Variants in IFI44 observed in about 807,000 individuals in gnomAD.
IFI44 encodes the protein interferon-induced protein 44.
Under a neutral mutation model 45.0 loss-of-function variants are expected in IFI44, and 42 were observed. The observed-to-expected ratio is 0.93, with a 90% CI of 0.73 to 1.21. The LOEUF (loss-of-function observed/expected upper bound fraction) is 1.21. IFI44 is among the 50% of genes most tolerant of loss of function. The probability of loss-of-function intolerance (pLI) is 0.00; values close to 1 mark genes in which losing one functional copy is unlikely to be tolerated. For synonymous variants in IFI44, 221 were observed against 188.6 expected (o/e 1.17, Z -1.41); for missense variants, 623 against 525.8 (o/e 1.18, Z -1.81).
intron 5 of IFI44, 75 bp downstream of exon 5, chr1:78,655,586 C>A: frequency 1.6e-6 from 2 of 1,285,996 alleles, no homozygotes; most frequent in South Asian, 1.5e-5. Context: ...CAGCGTTTAT[C>A]TTCTTAAATT....
chr1:78,659,452 C>A lies in IFI44; in HGVS notation c.981C>A (p.Ile327=). ...TCTCCTCTCAGATGATAGTAAAGAT[C>A]AAAAGAATTCGAAGGGAGTTGGTAA... The part of the protein sequence containing the change: ...QYFSSQMIVK[I]KRIRRELVNA... Residue 327 remains isoleucine, a synonymous_variant, in exon 6 of 9, where the codon ATC becomes ATA. Transcript: ENST00000370747. 2 of 1,612,990 alleles carry A rather than the reference C, an allele frequency of 1.2e-6. No homozygotes were observed. The highest frequency in any genetic ancestry group is 2.2e-5 in the South Asian group (2 of 91,018).
chr1:78,655,581 T>C (rs1570393680), intron 5 of IFI44, 70 bp downstream of exon 5: 2 of 1,332,780 alleles, frequency 1.5e-6, no homozygotes, highest in East Asian at 2.4e-5. Flanking sequence ...TGTATCAGCG[T>C]TTATCTTCTT....
intron 7 of IFI44, among the ~76,000 whole-genome samples, chr1:78,662,438 A>C (rs1570405869): frequency 1.3e-5 from 2 of 152,374 alleles, no homozygotes; most frequent in East Asian, 1.9e-4. Context: ...AACAGGAAAT[A>C]TATGGACTGT....
chr1:78,661,754 G>A (rs769696753), intron 7 of IFI44, among the ~76,000 whole-genome samples: 4 of 152,086 alleles, frequency 2.6e-5, no homozygotes, highest in African/African-American at 4.8e-5. Flanking sequence ...AAAGGGGTTC[G>A]GGGAGATTTC....
chr1:78,660,238 A>G (rs532266619), intron 6 of IFI44, among the ~76,000 whole-genome samples: 44 of 152,176 alleles, frequency 2.9e-4, no homozygotes, highest in Admixed American at 3.3e-4. Context: ...GTCAAAACAC[A>G]ACTTCTGGAC....
At chr1:78,652,018 T>C (rs1647132270) in intron 2 of IFI44, among the ~76,000 whole-genome samples, 1 of 152,080 alleles carries the variant, frequency 6.6e-6, no homozygotes, top group South Asian at 2.1e-4. Context: ...ACTTTACATA[T>C]TGAAAAATTA....
chr1:78,651,290 C>A (rs1030487280), intron 2 of IFI44, among the ~76,000 whole-genome samples: 11 of 152,166 alleles, frequency 7.2e-5, no homozygotes, highest in Non-Finnish European at 2.9e-5. Flanking sequence ...TTTCCTGCAA[C>A]TAAACGGTCC....
chr1:78,659,102 C>T (rs1308343903), intron 5 of IFI44, among the ~76,000 whole-genome samples: 2 of 152,040 alleles, frequency 1.3e-5, no homozygotes, highest in Non-Finnish European at 2.9e-5. Context: ...ATTACATGTC[C>T]TTTCCTCACA....
At chr1:78,662,588 T>A in intron 7 of IFI44, 116 bp from the exon 8 acceptor site, 1 of 774,676 alleles carries the variant, frequency 1.3e-6, no homozygotes, top group South Asian at 1.9e-5. Context: ...CTCCATTTTT[T>A]TCCAATGGGA....
chr1:78,654,429 T>G, intron 3 of IFI44, 150 bp downstream of exon 3: 2 of 530,072 alleles, frequency 3.8e-6, no homozygotes, highest in South Asian at 5.7e-5. Flanking sequence ...ATAAAATATT[T>G]GATAATATTA....
At chr1:78,655,586 C>G (rs1647195148) in intron 5 of IFI44, 75 bp downstream of exon 5, 2 of 1,285,998 alleles carry the variant, frequency 1.6e-6, no homozygotes, top group Non-Finnish European at 1.1e-6. Context: ...CAGCGTTTAT[C>G]TTCTTAAATT....
chr1:78,653,122 G>T lies in IFI44; in HGVS notation c.458-1121G>T, dbSNP rs529300124. Among the ~76,000 whole-genome samples, 12 of 151,562 alleles carry T rather than the reference G, an allele frequency of 7.9e-5. No individual in the cohort carries two copies. The South Asian group carries it at 2.5e-3, about 32-fold the overall frequency. ...CTATATTAATTTATCCTTTCTTCAC[G>T]TTTTAAAATTTGGTTTTATATTTTA... On this transcript the variant is annotated intron_variant, in intron 2 of 8. Coordinates refer to ENST00000370747, the MANE Select transcript of IFI44 (RefSeq NM_006417.5).
At position 78,663,942 on chromosome 1, in the gene IFI44, G is replaced by A; in HGVS notation, c.*131G>A. On this transcript the variant is annotated 3_prime_UTR_variant, in exon 9 of 9. Transcript: ENST00000370747. Reference sequence around the variant, plus strand: ...TTATTAATGTCTAGGATGAAGAAATGCATAGAACATTGTAGTACTTGTAAA... The same window carrying A: ...TTATTAATGTCTAGGATGAAGAAATACATAGAACATTGTAGTACTTGTAAA... 1 of 688,012 alleles carries A rather than the reference G, an allele frequency of 1.5e-6. No individual in the cohort carries two copies. Among genetic ancestry groups the A allele is most frequent in the East Asian group, 2.8e-5 (1 of 35,272 alleles). 42.6% of individuals were successfully genotyped at this position (688,012 alleles called of 1,614,324 possible). A position where few individuals can be genotyped will look rare whatever the true frequency, so the allele number is the denominator to read the frequency against.
At position 78,654,264 on chromosome 1, in the gene IFI44, TA is replaced by T; in HGVS notation, c.483del (p.Val163SerfsTer12). ...RCEDSLDERK[I>X]KGVIELRKSL... ...CCAGATTCACTGGATGAAAGAAAGA[TA>T]AAAGGGGTCATTGAGTAAGTCAATG... is the stretch of plus-strand genomic sequence containing the variant. On this transcript the variant is annotated frameshift_variant, in exon 3 of 9. Coordinates refer to ENST00000370747, the MANE Select transcript of IFI44 (RefSeq NM_006417.5). LOFTEE classifies it high-confidence loss of function. The T allele has an allele frequency of 5.3e-6, 8 of 1,495,698 alleles. No individual in the cohort carries two copies. The highest frequency in any genetic ancestry group is 7.4e-6 in the Non-Finnish European group (8 of 1,073,898). 92.7% of individuals were successfully genotyped at this position (1,495,698 alleles called of 1,614,324 possible). A position where few individuals can be genotyped will look rare whatever the true frequency, so the allele number is the denominator to read the frequency against.
intron 3 of IFI44, among the ~76,000 whole-genome samples, chr1:78,654,536 G>A (rs1278844515): frequency 6.6e-6 from 1 of 152,000 alleles, no homozygotes; most frequent in African/African-American, 2.4e-5. Context: ...GTTTTGCTTA[G>A]AATTCTTGCA....
chr1:78,651,825 T>C (rs1000378209), intron 2 of IFI44, among the ~76,000 whole-genome samples: 1 of 152,166 alleles, frequency 6.6e-6, no homozygotes, highest in African/African-American at 2.4e-5. Context: ...TTATTTCACT[T>C]AGCATAATAT....
Position 78,662,787 on chromosome 1 carries a change from C to A in IFI44, c.1197C>A (p.Asp399Glu), listed in dbSNP as rs752138559. 1 of 1,613,516 alleles carries A rather than the reference C, an allele frequency of 6.2e-7. No homozygotes were observed. The highest frequency in any genetic ancestry group is 8.5e-7 in the Non-Finnish European group (1 of 1,179,810). The change falls in exon 8 of 9, where the codon GAC becomes GAA. Residue 399 changes from aspartate (D) to glutamate (E), a missense_variant. Coordinates refer to ENST00000370747, the MANE Select transcript of IFI44 (RefSeq NM_006417.5). The part of the protein sequence containing the change: ...VSNYSSEWEL[D>E]PVKDVLILSA... ...ATTATTCCTCTGAGTGGGAGCTGGACCCTGTAAAGGATGTTCTAATTCTTT... is the reference window on the plus strand; with the variant it reads ...ATTATTCCTCTGAGTGGGAGCTGGAACCTGTAAAGGATGTTCTAATTCTTT...
At position 78,660,672 on chromosome 1, in the gene IFI44, T is replaced by C. The variant is rs376540185; in HGVS notation, c.1113+18T>C. On this transcript the variant is annotated intron_variant, in intron 7 of 8. Transcript: ENST00000370747. Reference sequence around the variant, plus strand: ...GGTCCAAGGTAATGAATGATGCCCTTCGTAAACACATTTTCTGGGGTATGT... The same window carrying C: ...GGTCCAAGGTAATGAATGATGCCCTCCGTAAACACATTTTCTGGGGTATGT... 1.6e-5 allele frequency: 24 copies of C among 1,482,142 alleles called. No homozygotes were observed. The highest frequency in any genetic ancestry group is 2.1e-5 in the Non-Finnish European group (22 of 1,060,044). 91.8% of individuals were successfully genotyped at this position (1,482,142 alleles called of 1,614,324 possible). A position where few individuals can be genotyped will look rare whatever the true frequency, so the allele number is the denominator to read the frequency against.
chr1:78,658,965 G>A (rs967991478), intron 5 of IFI44, among the ~76,000 whole-genome samples: 3 of 151,966 alleles, frequency 2.0e-5, no homozygotes, highest in African/African-American at 7.2e-5. Flanking sequence ...TCTGCTTGAT[G>A]GTACCAGCTT....
Sources: allele counts gnomAD v4.1 joint callset (sites outside exome capture counted in the v4.1 genomes callset), GRCh38; gene constraint gnomAD v4.1.1; transcripts MANE v1.5; gene names NCBI Gene and HGNC (gene_info 2026-07-23, HGNC 2026-07-21).